Variants in NAV3 observed in about 807,000 individuals in gnomAD.
NAV3 encodes the protein neuron navigator 3, also known as pore membrane and/or filament interacting like protein 1.
Under a neutral mutation model 244.7 loss-of-function variants are expected in NAV3, and 87 were observed. The observed-to-expected ratio is 0.36, with a 90% confidence interval of 0.30 to 0.42. NAV3 has a LOEUF of 0.42. Among genes scored for constraint, NAV3 ranks in the 20% least tolerant of loss-of-function variants. The probability of loss-of-function intolerance (pLI) is 1.00; values close to 1 mark genes in which losing one functional copy is unlikely to be tolerated. For synonymous variants in NAV3, 1,126 were observed against 1,042.2 expected, an observed-to-expected ratio of 1.08 and a Z score of -1.55; for missense variants, 2,663 against 2,893.3, an observed-to-expected ratio of 0.92 and a Z score of 1.83.
At chr12:78,003,393 G>A (rs925990152) in intron 7 of NAV3, among the ~76,000 whole-genome samples, 2 of 152,044 alleles carry the variant, frequency 1.3e-5, no homozygotes, top group African/African-American at 4.8e-5. Flanking sequence ...TATTCAGCAG[G>A]GACCATCTAT....
At chr12:77,590,308 C>T (rs117512661) in intron 2 of NAV3, among the ~76,000 whole-genome samples, 1,964 of 152,148 alleles carry the variant, frequency 0.013, 18 homozygotes, top group East Asian at 0.021. Context: ...AACAAAAGTC[C>T]GATAAAGTGA....
At chr12:77,651,609 A>G (rs545471255) in intron 2 of NAV3, among the ~76,000 whole-genome samples, 1 of 152,292 alleles carries the variant, frequency 6.6e-6, no homozygotes, top group African/African-American at 2.4e-5. Flanking sequence ...CTGCTTCATC[A>G]GAAAGCCAAT....
chr12:78,116,467 A>G (rs1248689312), intron 12 of NAV3, among the ~76,000 whole-genome samples: 2 of 152,140 alleles, frequency 1.3e-5, no homozygotes, highest in Non-Finnish European at 2.9e-5. Context: ...CAGCTGTAAT[A>G]TTATTCTTTC....
chr12:77,686,395 A>AT (rs1180686635), intron 2 of NAV3, among the ~76,000 whole-genome samples: 1 of 128,850 alleles, frequency 7.8e-6, no homozygotes, highest in Non-Finnish European at 1.7e-5. Flanking sequence ...GCCCCACCGG[A>AT]TTTTTTCTTT....
intron 2 of NAV3, among the ~76,000 whole-genome samples, chr12:77,661,192 A>G (rs1369258539): frequency 6.6e-6 from 1 of 152,188 alleles, no homozygotes; most frequent in Admixed American, 6.6e-5. Flanking sequence ...ACCGTTTTAC[A>G]TTCCCGCCAG....
Position 77,626,535 on chromosome 12 carries a change from A to G in NAV3, c.72+54269A>G, listed in dbSNP as rs997970069. The stretch of plus-strand genomic sequence containing the variant: ...ACTGTCAAAAGTCAGGGAGAATTCT[A>G]AAAACAGCAAGAAAAAAAGCATCCA... On this transcript the variant is annotated intron_variant, in intron 2 of 8. Transcript: ENST00000550042. Among the ~76,000 whole-genome samples the G allele has an allele frequency of 3.3e-5, 5 of 152,154 alleles. No individual in the cohort carries two copies. The East Asian group carries it at 9.6e-4, about 29-fold the overall frequency.
At chr12:78,190,403 T>C (rs1354043435) in intron 34 of NAV3, among the ~76,000 whole-genome samples, 184 bp downstream of exon 34, 1 of 152,000 alleles carries the variant, frequency 6.6e-6, no homozygotes, top group Admixed American at 6.6e-5. Flanking sequence ...AGACTACTAT[T>C]TTCAGTAACA....
intron 2 of NAV3, among the ~76,000 whole-genome samples, chr12:77,623,781 G>A (rs1592514467): frequency 6.6e-6 from 1 of 152,132 alleles, no homozygotes; most frequent in Non-Finnish European, 1.5e-5. Flanking sequence ...CCTTTAAATC[G>A]AGAGCATTTC....
intron 18 of NAV3, among the ~76,000 whole-genome samples, chr12:78,134,411 A>T (rs2138965915): frequency 6.6e-6 from 1 of 152,348 alleles, no homozygotes; most frequent in African/African-American, 2.4e-5. Context: ...TTTCTTTAAG[A>T]GATCAAATAA....
chr12:77,695,141 G>A (rs918079377), intron 2 of NAV3, among the ~76,000 whole-genome samples: 2 of 152,166 alleles, frequency 1.3e-5, no homozygotes, highest in African/African-American at 4.8e-5. Flanking sequence ...TTGCTGTGCA[G>A]AAGCTTTTTA....
intron 5 of NAV3, among the ~76,000 whole-genome samples, chr12:77,972,265 C>G (rs562971897): frequency 6.6e-6 from 1 of 152,188 alleles, no homozygotes; most frequent in Admixed American, 6.5e-5. Flanking sequence ...GAGTTTACCT[C>G]AGGAATCAGA....
intron 1 of NAV3, among the ~76,000 whole-genome samples, chr12:77,900,780 T>C (rs1440101934): frequency 6.6e-6 from 1 of 152,232 alleles, no homozygotes; most frequent in Non-Finnish European, 1.5e-5. Context: ...TTAAGTTCTT[T>C]GAGAAATCTC....
At chr12:78,150,394 C>T (rs1047142741) in intron 22 of NAV3, among the ~76,000 whole-genome samples, 1 of 151,964 alleles carries the variant, frequency 6.6e-6, no homozygotes, top group Non-Finnish European at 1.5e-5. Flanking sequence ...TAATAAATGG[C>T]TGCTAGACAT....
At position 77,867,404 on chromosome 12, in the gene NAV3, T is replaced by TTTG. The variant is rs61105303; in HGVS notation, c.243+35724_243+35726dup. Among the ~76,000 whole-genome samples, 373 of 151,702 alleles carry TTTG rather than the reference T, an allele frequency of 2.5e-3. 4 individuals carry two copies. In the South Asian group the frequency reaches 0.033, roughly 14 times the overall value. On this transcript the variant is annotated intron_variant, in intron 1 of 39. Coordinates refer to ENST00000397909, the MANE Select transcript of NAV3 (RefSeq NM_001024383.2). The stretch of plus-strand genomic sequence containing the variant: ...TAAATTACCCAGTCTCAGGTATGTT[T>TTTG]TTGTTGTTGTTGTTGTTGTTGTTGT...
intron 9 of NAV3, chr12:78,036,908 A>G: frequency 1.4e-6 from 1 of 702,802 alleles, no homozygotes. Flanking sequence ...GCAAAGAAGT[A>G]AGGAGAAAGG....
At chr12:78,193,607 C>T (rs944650070) in intron 34 of NAV3, among the ~76,000 whole-genome samples, 4 of 152,016 alleles carry the variant, frequency 2.6e-5, no homozygotes, top group African/African-American at 7.2e-5. Flanking sequence ...CTTTTAATGC[C>T]GGTGCATCAG....
At chr12:77,636,686 C>T (rs1015634253) in intron 2 of NAV3, among the ~76,000 whole-genome samples, 1 of 152,052 alleles carries the variant, frequency 6.6e-6, no homozygotes, top group Non-Finnish European at 1.5e-5. Context: ...ACTATAAAGA[C>T]ACATGGACAC....
intron 6 of NAV3, among the ~76,000 whole-genome samples, chr12:77,995,371 A>C (rs1872183763): frequency 6.6e-6 from 1 of 152,204 alleles, no homozygotes; most frequent in African/African-American, 2.4e-5. Flanking sequence ...CAGGTATAAT[A>C]AAGACAGCCT....
intron 2 of NAV3, among the ~76,000 whole-genome samples, chr12:77,774,443 A>T (rs945018424): frequency 1.3e-5 from 2 of 152,200 alleles, no homozygotes; most frequent in Admixed American, 1.3e-4. Context: ...GGAGGACATT[A>T]TTTTGAAGTC....
Sources: gnomAD v4.1 joint callset for allele counts (sites outside exome capture counted in the v4.1 genomes callset) on GRCh38, gnomAD v4.1.1 for gene constraint, MANE v1.5 for transcripts, NCBI Gene and HGNC (gene_info 2026-07-23, HGNC 2026-07-21) for gene names.